KANSL1L: variants seen among roughly 807,000 people sequenced by gnomAD.
The protein encoded by KANSL1L is KAT8 regulatory NSL complex subunit 1 like.
A neutral mutation model predicts 108.6 loss-of-function variants in KANSL1L; 25 were observed. The observed-to-expected ratio is 0.23, with a 90% confidence interval of 0.17 to 0.32. The LOEUF is 0.32. Ranked by LOEUF, KANSL1L falls within the 10% of genes least tolerant of loss-of-function variation. KANSL1L has a pLI of 1.00. For missense variants in KANSL1L, 1,137 were observed against 1,125.7 expected (o/e 1.01, Z -0.14); for synonymous variants, 405 against 395.1 (o/e 1.03, Z -0.30).
At chr2:210,109,541 T>C (rs538135640) in intron 3 of KANSL1L, among the ~76,000 whole-genome samples, 9 of 152,316 alleles carry the variant, frequency 5.9e-5, no homozygotes, top group African/African-American at 2.2e-4. Flanking sequence ...TTTGTATCGC[T>C]GATTCTTTGG....
chr2:210,079,350 C>T (rs528140042), intron 5 of KANSL1L, among the ~76,000 whole-genome samples: 1 of 151,702 alleles, frequency 6.6e-6, no homozygotes, highest in South Asian at 2.1e-4. Flanking sequence ...AATTCCAGCA[C>T]TTTGGGAGGC....
intron 2 of KANSL1L, among the ~76,000 whole-genome samples, chr2:210,131,252 A>G (rs1214286354): frequency 6.6e-6 from 1 of 152,188 alleles, no homozygotes; most frequent in Non-Finnish European, 1.5e-5. Flanking sequence ...AATATAGCCT[A>G]TTCTGACTAA....
At chr2:210,118,702 C>T (rs2094982374) in intron 3 of KANSL1L, among the ~76,000 whole-genome samples, 1 of 151,728 alleles carries the variant, frequency 6.6e-6, no homozygotes, top group Non-Finnish European at 1.5e-5. Context: ...CAAAATTTAG[C>T]CACATGTGGT....
intron 6 of KANSL1L, among the ~76,000 whole-genome samples, chr2:210,060,364 T>G (rs970981080): frequency 2.6e-5 from 4 of 152,196 alleles, no homozygotes; most frequent in Non-Finnish European, 4.4e-5. Flanking sequence ...AAAATAGGAA[T>G]AGTTCTGCCT....
intron 3 of KANSL1L, among the ~76,000 whole-genome samples, chr2:210,120,735 G>T (rs1403003431): frequency 2.0e-5 from 3 of 152,088 alleles, no homozygotes; most frequent in African/African-American, 7.2e-5. Context: ...GAAAATTTTT[G>T]CAAACTATGC....
intron 7 of KANSL1L, among the ~76,000 whole-genome samples, chr2:210,042,756 A>ATTTTAT (rs2094179607): frequency 6.6e-6 from 1 of 152,230 alleles, no homozygotes; most frequent in Non-Finnish European, 1.5e-5. Flanking sequence ...TTATCATATT[A>ATTTTAT]TTAAGGTTTC....
intron 3 of KANSL1L, among the ~76,000 whole-genome samples, chr2:210,118,196 C>T (rs1170415179): frequency 1.4e-5 from 2 of 143,494 alleles, no homozygotes; most frequent in African/African-American, 5.2e-5. Context: ...GGGGCGGGTG[C>T]GGTGGCTTAT....
chr2:210,118,845 A>T lies in KANSL1L; in HGVS notation c.1230+10186T>A, dbSNP rs1159140100. 4.1e-5 allele frequency among the ~76,000 whole-genome samples: 6 copies of T among 145,700 alleles called. No individual in the cohort carries two copies. In the South Asian group the frequency reaches 1.3e-3, roughly 32 times the overall value. The stretch of plus-strand genomic sequence containing the variant: ...GGCAACAGAGTAAGACCCTGTCTCA[A>T]GAGAAAAAAAAAAAAAAAGTCCTCT... On this transcript the variant is annotated intron_variant, in intron 3 of 14. Coordinates refer to ENST00000281772, the MANE Select transcript of KANSL1L (RefSeq NM_152519.4).
chr2:210,104,451 C>G (rs1391473585), intron 3 of KANSL1L, 150 bp from the exon 4 acceptor site: 1 of 613,206 alleles, frequency 1.6e-6, no homozygotes, highest in Non-Finnish European at 2.8e-6. Flanking sequence ...AAAGAACTGG[C>G]TGGTTTAAAA....
chr2:210,091,117 G>A (rs1004062604), intron 5 of KANSL1L, among the ~76,000 whole-genome samples: 1 of 152,108 alleles, frequency 6.6e-6, no homozygotes, highest in African/African-American at 2.4e-5. Flanking sequence ...GACAGATAAA[G>A]GGTAAGGATT....
intron 5 of KANSL1L, chr2:210,089,172 T>A (rs1401465371): frequency 6.6e-6 from 1 of 152,216 alleles, no homozygotes; most frequent in East Asian, 1.9e-4. Context: ...TAAACAATTC[T>A]TCCCAAACAG....
In KANSL1L at chr2:210,071,064, A is replaced by G. The variant is rs181985066; in HGVS notation, c.1755+4488T>C. Among the ~76,000 whole-genome samples, 283 of 151,924 alleles carry G rather than the reference A, an allele frequency of 1.9e-3. 1 individual carries two copies. Among genetic ancestry groups the G allele is most frequent in the Middle Eastern group, 0.014 (4 of 294 alleles). ...TCCCAGCTACTTGGGAGGCTGAGGC[A>G]GGAAAACTGCTTGAACCCGGGAGGC... On this transcript the variant is annotated intron_variant, in intron 6 of 14. Coordinates refer to ENST00000281772, the MANE Select transcript of KANSL1L (RefSeq NM_152519.4).
chr2:210,082,585 A>T (rs2094598929), intron 5 of KANSL1L, among the ~76,000 whole-genome samples: 1 of 152,190 alleles, frequency 6.6e-6, no homozygotes, highest in Non-Finnish European at 1.5e-5. Flanking sequence ...ATGCTAAACT[A>T]ATGGCCTCCA....
intron 2 of KANSL1L, among the ~76,000 whole-genome samples, chr2:210,145,580 G>T (rs535943014): frequency 6.6e-6 from 1 of 152,308 alleles, no homozygotes; most frequent in Admixed American, 6.5e-5. Context: ...CAGCTCCAGG[G>T]CGCAGGATAC....
rs187468045 is a variant in KANSL1L at position 210,025,986 on chromosome 2, A to T, written c.2452-770T>A. 3.3e-3 allele frequency among the ~76,000 whole-genome samples: 496 copies of T among 152,316 alleles called. 6 individuals are homozygous for T. The highest frequency in any genetic ancestry group is 0.015 in the Admixed American group (226 of 15,294). The stretch of plus-strand genomic sequence containing the variant: ...AGTTTTTATGGATCGTCCATTGTGG[A>T]GTACATACTATTCTAAGAAGATGTT... On this transcript the variant is annotated intron_variant, in intron 12 of 14. Coordinates refer to ENST00000281772, the MANE Select transcript of KANSL1L (RefSeq NM_152519.4).
chr2:210,107,502 C>T (rs2094859021), intron 3 of KANSL1L, among the ~76,000 whole-genome samples: 1 of 144,656 alleles, frequency 6.9e-6, no homozygotes, highest in Admixed American at 6.8e-5. Flanking sequence ...TAACTGCTTT[C>T]TTCTCCTCAA....
At chr2:210,169,574 C>T (rs1559623408) in intron 1 of KANSL1L, among the ~76,000 whole-genome samples, 1 of 152,140 alleles carries the variant, frequency 6.6e-6, no homozygotes, top group Non-Finnish European at 1.5e-5. Flanking sequence ...AAAGGCGCAT[C>T]ATGAAACAAA....
At chr2:210,120,700 T>A (rs1057385349) in intron 3 of KANSL1L, among the ~76,000 whole-genome samples, 1 of 150,826 alleles carries the variant, frequency 6.6e-6, no homozygotes, top group Non-Finnish European at 1.5e-5. Context: ...ATCAACAGAG[T>A]AAACAGACAA....
chr2:210,168,874 G>C (rs1385630219), intron 1 of KANSL1L, among the ~76,000 whole-genome samples: 1 of 152,042 alleles, frequency 6.6e-6, no homozygotes. Context: ...TAGCCCACTG[G>C]CAAGTATTTA....
Sources: gnomAD v4.1 joint callset for allele counts (sites outside exome capture counted in the v4.1 genomes callset) on GRCh38, gnomAD v4.1.1 for gene constraint, MANE v1.5 for transcripts, NCBI Gene and HGNC (gene_info 2026-07-23, HGNC 2026-07-21) for gene names.